Variants in GPA33 observed in about 807,000 individuals in gnomAD.
GPA33 encodes the protein glycoprotein A33.
A neutral mutation model predicts 35.6 loss-of-function variants in GPA33; 27 were observed. That is an observed-to-expected ratio of 0.76 (90% CI 0.56 to 1.04). GPA33 has a LOEUF of 1.04. GPA33 is among the 50% of genes least tolerant of loss of function. The probability of loss-of-function intolerance (pLI) is 0.00; values close to 1 mark genes in which losing one functional copy is unlikely to be tolerated. For missense variants in GPA33, 428 were observed against 411.9 expected, an observed-to-expected ratio of 1.04 and a Z score of -0.34; for synonymous variants, 176 against 164.0, an observed-to-expected ratio of 1.07 and a Z score of -0.56.
In GPA33 at chr1:167,073,460, C is replaced by T; in HGVS notation, c.123G>A (p.Leu41=). 1 of 1,612,558 alleles carries T rather than the reference C, an allele frequency of 6.2e-7. No individual in the cohort carries two copies. The highest frequency in any genetic ancestry group is 1.7e-5 in the Admixed American group (1 of 59,994). Reference sequence around the variant, plus strand: ...AGGTGGAAGTGTGGTAGGTGCAGGGCAGGGTGACACTCTTTCCCTGCGAAG... The same window carrying T: ...AGGTGGAAGTGTGGTAGGTGCAGGGTAGGGTGACACTCTTTCCCTGCGAAG... ...LRASQGKSVT[L]PCTYHTSTSS... The change falls in exon 2 of 7, where the codon CTG becomes CTA. Residue 41 remains leucine, a synonymous_variant. Transcript: ENST00000367868.
At chr1:167,076,458 C>T (rs537898071) in intron 1 of GPA33, among the ~76,000 whole-genome samples, 3 of 152,160 alleles carry the variant, frequency 2.0e-5, no homozygotes, top group Non-Finnish European at 4.4e-5. Context: ...AGACCGTCCC[C>T]CCGCCCAGCT....
At chr1:167,087,910 T>TCACACACACACACA (rs375861023) in intron 1 of GPA33, among the ~76,000 whole-genome samples, 1 of 149,746 alleles carries the variant, frequency 6.7e-6, no homozygotes, top group African/African-American at 2.5e-5. Context: ...AGACTCTGTC[T>TCACACACACACACA]CACACACACA....
At chr1:167,071,643 A>G (rs957058046) in intron 2 of GPA33, among the ~76,000 whole-genome samples, 1 of 152,214 alleles carries the variant, frequency 6.6e-6, no homozygotes, top group Non-Finnish European at 1.5e-5. Flanking sequence ...GCTGTGGATC[A>G]GTCCATGGAT....
At position 167,073,496 on chromosome 1, in the gene GPA33, G is replaced by T. The variant is rs199696976; in HGVS notation, c.87C>A (p.Asp29Glu). 2 of 1,613,496 alleles carry T rather than the reference G, an allele frequency of 1.2e-6. No individual in the cohort carries two copies. The highest frequency in any genetic ancestry group is 8.5e-7 in the Non-Finnish European group (1 of 1,179,430). ...VDAISVETPQ[D>E]VLRASQGKSV... ...TCTTTCCCTGCGAAGCCCGAAGAAC[G>T]TCCTGCGGAGTTTCCACAGAGATGG... The change falls in exon 2 of 7, where the codon GAC becomes GAA. Residue 29 changes from aspartate to glutamate, a missense_variant. Asp to Glu is a conservative substitution (Grantham distance 45). Transcript: ENST00000367868.
intron 1 of GPA33, among the ~76,000 whole-genome samples, chr1:167,089,108 T>C (rs1341940206): frequency 6.6e-6 from 1 of 152,210 alleles, no homozygotes; most frequent in East Asian, 1.9e-4. Flanking sequence ...CCTGAGAGAA[T>C]GATCTTACCC....
intron 4 of GPA33, among the ~76,000 whole-genome samples, chr1:167,059,790 G>A (rs913169604): frequency 3.9e-5 from 6 of 152,288 alleles, no homozygotes; most frequent in African/African-American, 1.4e-4. Flanking sequence ...GCAGTACTAA[G>A]GGTCCGAGAG....
chr1:167,056,758 CG>C, intron 4 of GPA33, among the ~76,000 whole-genome samples: 1 of 3,954 alleles, frequency 2.5e-4, no homozygotes, highest in East Asian at 7.1e-3. Flanking sequence ...GTGTGTATGG[CG>C]TGTGTGTGGT....
Position 167,054,081 on chromosome 1 carries a change from T to C in GPA33, c.*253A>G. ...GTGGAGGCTGCAGCCTGGTCTTGAG[T>C]GAGGGCCAGGCCCGCACCAGGTGTC... is the stretch of plus-strand genomic sequence containing the variant. On this transcript the variant is annotated 3_prime_UTR_variant, in exon 7 of 7. Coordinates refer to ENST00000367868, the MANE Select transcript of GPA33 (RefSeq NM_005814.3). 2.0e-6 allele frequency: 1 copy of C among 506,498 alleles called. No homozygotes were observed. Among genetic ancestry groups the C allele is most frequent in the Non-Finnish European group, 3.5e-6 (1 of 282,872 alleles). 31.4% of individuals were successfully genotyped at this position (506,498 alleles called of 1,614,324 possible). A position where few individuals can be genotyped will look rare whatever the true frequency, so the allele number is the denominator to read the frequency against.
Position 167,073,472 on chromosome 1 carries a change from C to A in GPA33, c.111G>T (p.Lys37Asn). Residue 37 changes from lysine (K) to asparagine (N), a missense_variant, in exon 2 of 7, where the codon AAG becomes AAT. Transcript: ENST00000367868. ...PQDVLRASQG[K>N]SVTLPCTYHT... ...GGTAGGTGCAGGGCAGGGTGACACT[C>A]TTTCCCTGCGAAGCCCGAAGAACGT... 6.2e-7 allele frequency: 1 copy of A among 1,612,748 alleles called. No individual in the cohort carries two copies. Among genetic ancestry groups the A allele is most frequent in the Non-Finnish European group, 8.5e-7 (1 of 1,178,702 alleles).
At chr1:167,056,474 T>G (rs1035581964) in intron 4 of GPA33, among the ~76,000 whole-genome samples, 1 of 148,330 alleles carries the variant, frequency 6.7e-6, no homozygotes, top group Non-Finnish European at 1.5e-5. Flanking sequence ...TGTCAGTGTG[T>G]GTGGTGTGTC....
chr1:167,056,693 G>GTGTGTGTGATGAGTGTGTGAT (rs1558001853), intron 4 of GPA33, among the ~76,000 whole-genome samples: 1 of 2,772 alleles, frequency 3.6e-4, no homozygotes, highest in Non-Finnish European at 8.8e-4. Context: ...GTGTGTGGTG[G>GTGTGTGTGATGAGTGTGTGAT]GTGTGTGGTG....
chr1:167,089,565 C>T (rs1034098659), intron 1 of GPA33, among the ~76,000 whole-genome samples: 3 of 152,156 alleles, frequency 2.0e-5, no homozygotes, highest in African/African-American at 7.2e-5. Flanking sequence ...TTAGACACTC[C>T]ATAGGTCCCC....
At chr1:167,079,421 G>T (rs938004710) in intron 1 of GPA33, among the ~76,000 whole-genome samples, 1 of 149,888 alleles carries the variant, frequency 6.7e-6, no homozygotes, top group South Asian at 2.1e-4. Flanking sequence ...TAACCCAGGA[G>T]GTGGAGGTTG....
chr1:167,085,876 G>A (rs1309483277), intron 1 of GPA33, among the ~76,000 whole-genome samples: 4 of 152,182 alleles, frequency 2.6e-5, no homozygotes, highest in African/African-American at 9.7e-5. Context: ...AGAATCACCT[G>A]AGTAACTTTT....
chr1:167,067,610 T>A (rs893552929), intron 3 of GPA33, among the ~76,000 whole-genome samples: 1 of 152,134 alleles, frequency 6.6e-6, no homozygotes, highest in Non-Finnish European at 1.5e-5. Context: ...AACATACATA[T>A]GTACGTGTGT....
Position 167,054,107 on chromosome 1 carries a change from A to T in GPA33, c.*227T>A. The T allele has an allele frequency of 1.8e-6, 1 of 571,404 alleles. No individual in the cohort carries two copies. Among genetic ancestry groups the T allele is most frequent in the East Asian group, 3.1e-5 (1 of 32,450 alleles). 35.4% of individuals were successfully genotyped at this position (571,404 alleles called of 1,614,324 possible). On this transcript the variant is annotated 3_prime_UTR_variant, in exon 7 of 7. Coordinates refer to ENST00000367868, the MANE Select transcript of GPA33 (RefSeq NM_005814.3). Reference sequence around the variant, plus strand: ...GAGGGCCAGGCCCGCACCAGGTGTCACAGCCAGGAGGGGTTACTTCACAGG... The same window carrying T: ...GAGGGCCAGGCCCGCACCAGGTGTCTCAGCCAGGAGGGGTTACTTCACAGG...
At chr1:167,074,937 C>G (rs1455731701) in intron 1 of GPA33, among the ~76,000 whole-genome samples, 35 of 130,820 alleles carry the variant, frequency 2.7e-4, no homozygotes, top group African/African-American at 1.0e-3. Flanking sequence ...GAGAGAGAGT[C>G]TCGCTCTGTT....
At chr1:167,063,513 C>G in intron 4 of GPA33, 69 bp downstream of exon 4, 2 of 1,439,888 alleles carry the variant, frequency 1.4e-6, no homozygotes, top group Non-Finnish European at 1.9e-6. Context: ...CAAGTTGCAG[C>G]CCCTAGCCAA....
chr1:167,075,679 G>A (rs1229875179), intron 1 of GPA33, among the ~76,000 whole-genome samples: 1 of 152,166 alleles, frequency 6.6e-6, no homozygotes, highest in African/African-American at 2.4e-5. Flanking sequence ...AACTTTGGGA[G>A]TCACCGGCTC....
Sources: gnomAD v4.1 joint callset for allele counts (sites outside exome capture counted in the v4.1 genomes callset) on GRCh38, gnomAD v4.1.1 for gene constraint, MANE v1.5 for transcripts, NCBI Gene and HGNC (gene_info 2026-07-23, HGNC 2026-07-21) for gene names.